The following DYNC1LI1 variants were observed in gnomAD, a reference collection of about 807,000 sequenced individuals.
DYNC1LI1 encodes cytoplasmic dynein 1 light intermediate chain 1.
In DYNC1LI1, 19 loss-of-function variants were observed where a neutral mutation model predicts 63.8. The observed-to-expected ratio is 0.30, with a 90% CI of 0.21 to 0.44. DYNC1LI1 has a LOEUF of 0.44. DYNC1LI1 is among the 20% of genes least tolerant of loss of function. The probability of loss-of-function intolerance (pLI) is 1.00; values close to 1 mark genes in which losing one functional copy is unlikely to be tolerated. For synonymous variants in DYNC1LI1, 225 were observed against 232.3 expected (o/e 0.97, Z 0.28); for missense variants, 565 against 630.2 (o/e 0.90, Z 1.11).
At chr3:32,529,479 TA>T in intron 11 of DYNC1LI1, 60 bp downstream of exon 11, 1 of 1,493,882 alleles carries the variant, frequency 6.7e-7, no homozygotes, top group Non-Finnish European at 9.1e-7. Context: ...GGTGGAATTT[TA>T]GATAGATTTA....
intron 5 of DYNC1LI1, among the ~76,000 whole-genome samples, chr3:32,537,919 T>C: frequency 3.7e-5 from 1 of 26,674 alleles, no homozygotes; most frequent in African/African-American, 1.9e-4. Context: ...ATATAATTTA[T>C]ATATATAATA....
rs1249555423 is a variant in DYNC1LI1, at chr3:32,530,472, T to A, written c.1129A>T (p.Met377Leu). The A allele has an allele frequency of 1.2e-5, 20 of 1,613,370 alleles. No individual in the cohort carries two copies. Among genetic ancestry groups the A allele is most frequent in the African/African-American group, 2.7e-5 (2 of 74,920 alleles). The change falls in exon 9 of 13, where the codon ATG becomes TTG. Residue 377 changes from methionine (M) to leucine (L), a missense_variant. Met to Leu is a conservative substitution (Grantham distance 15). Transcript: ENST00000273130. ...IMAEDDQVFLMKLQSLLAKQP... is the reference protein window; with the variant it reads ...IMAEDDQVFLLKLQSLLAKQP... ...ATATAATTTCATACCTGTAGCTTCA[T>A]AAGAAACACCTGATCATCTTCTGCC...
intron 2 of DYNC1LI1, among the ~76,000 whole-genome samples, chr3:32,558,403 T>TAA (rs533076265): frequency 0.029 from 2,570 of 90,046 alleles, 69 homozygotes; most frequent in East Asian, 0.2. Context: ...TTTAAAAATG[T>TAA]AAAAAAAAAA....
intron 5 of DYNC1LI1, 136 bp downstream of exon 5, chr3:32,540,901 C>T: frequency 1.8e-6 from 1 of 569,370 alleles, no homozygotes. Flanking sequence ...TCATTAAATA[C>T]TTTAAACTAT....
chr3:32,538,067 T>TA (rs1359725511), intron 5 of DYNC1LI1, among the ~76,000 whole-genome samples: 24 of 68,866 alleles, frequency 3.5e-4, no homozygotes, highest in East Asian at 6.0e-4. Context: ...ATATAATTTA[T>TA]TATATATATA....
rs1559436250 is a variant in DYNC1LI1, at chr3:32,537,961, AATATATATATATTTATATATAATAT to A, written c.739-882_739-858del. On this transcript the variant is annotated intron_variant, in intron 5 of 12. Coordinates refer to ENST00000273130, the MANE Select transcript of DYNC1LI1 (RefSeq NM_016141.4). ...TAATATATATATAATTTATATATATAATATATATATATTTATATATAATATATATATATAATTTATATATATAATA... is the reference window on the plus strand; with the variant it reads ...TAATATATATATAATTTATATATATAATATATATAATTTATATATATAATA... Among the ~76,000 whole-genome samples, 41 of 7,524 alleles carry A rather than the reference AATATATATATATTTATATATAATAT, an allele frequency of 5.4e-3. 2 individuals are homozygous for A. The highest frequency in any genetic ancestry group is 0.016 in the African/African-American group (39 of 2,456). The allele number at this position is 7,524 out of a possible 152,430, so 4.9% of individuals were successfully genotyped here.
rs35467710 is a variant in DYNC1LI1, at chr3:32,530,331, GAA to G, written c.1141-5_1141-4del. 21,839 of 1,334,818 alleles carry G rather than the reference GAA, an allele frequency of 0.016. No individual in the cohort carries two copies. The highest frequency in any genetic ancestry group is 0.029 in the Admixed American group (1,206 of 40,970). The allele number at this position is 1,334,818 out of a possible 1,614,324, so 82.7% of individuals were successfully genotyped here. A position where few individuals can be genotyped will look rare whatever the true frequency, so the allele number is the denominator to read the frequency against. On this transcript the variant is annotated splice_region_variant and splice_polypyrimidine_tract_variant and intron_variant, in intron 9 of 12. Coordinates refer to ENST00000273130, the MANE Select transcript of DYNC1LI1 (RefSeq NM_016141.4). ...GGTGGTTGCTTTGCTAAAAGGGACT[GAA>G]AAAAAAAAAAAAAAAGAATCCTAGT...
At chr3:32,554,103 CACT>C (rs762177135) in intron 2 of DYNC1LI1, among the ~76,000 whole-genome samples, 20 of 152,212 alleles carry the variant, frequency 1.3e-4, no homozygotes, top group Non-Finnish European at 2.6e-4. Flanking sequence ...TTCCAAGAAT[CACT>C]ACTATTTTCA....
intron 2 of DYNC1LI1, among the ~76,000 whole-genome samples, chr3:32,568,928 G>C (rs1381270302): frequency 6.6e-6 from 1 of 151,180 alleles, no homozygotes; most frequent in South Asian, 2.1e-4. Flanking sequence ...TTTGCTTTTG[G>C]ATCCTAATTT....
rs72860541 is a variant in DYNC1LI1, at chr3:32,570,682, A to C, written c.89T>G (p.Ile30Arg). Residue 30 changes from isoleucine (I) to arginine (R), a missense_variant, in exon 1 of 13, where the codon ATA (isoleucine) becomes AGA (arginine). Ile to Arg is a moderately conservative substitution (Grantham distance 97, BLOSUM62 -3). Transcript: ENST00000273130. Reference protein sequence around the residue: ...TYTGGPLGNEIASGNGGAAAG... With the variant: ...TYTGGPLGNERASGNGGAAAG... ...CGCGGCGCCACCGTTGCCCGACGCT[A>C]TCTCGTTGCCCAAGGGGCCGCCAGT... 5.2e-4 allele frequency: 828 copies of C among 1,606,632 alleles called. 4 individuals carry two copies. The African/African-American group carries it at 9.5e-3, about 18-fold the overall frequency.
intron 8 of DYNC1LI1, 78 bp downstream of exon 8, chr3:32,532,908 C>T: frequency 7.0e-7 from 1 of 1,432,354 alleles, no homozygotes; most frequent in Non-Finnish European, 9.1e-7. Flanking sequence ...TGCCTTTCTA[C>T]ATTTAATTTT....
Position 32,534,645 on chromosome 3 carries a change from A to G in DYNC1LI1, c.834T>C (p.Tyr278=), listed in dbSNP as rs1457487451. The G allele has an allele frequency of 1.3e-5, 20 of 1,558,854 alleles. No individual in the cohort carries two copies. The highest frequency in any genetic ancestry group is 1.1e-4 in the East Asian group (5 of 43,554). ...QSHIRKFCLQ[Y]GAALIYTSVK... is the part of the protein sequence containing the mutation. The stretch of plus-strand genomic sequence containing the variant: ...CTGAAGTGTAAATAAGTGCTGCACC[A>G]TCTGAATAATATGGTTAAAGAAAAA... The change falls in exon 7 of 13, where the codon TAT becomes TAC. Residue 278 remains tyrosine (Y), a splice_region_variant and synonymous_variant. Transcript: ENST00000273130.
chr3:32,553,491 T>C (rs916023156), intron 2 of DYNC1LI1, among the ~76,000 whole-genome samples: 2 of 152,182 alleles, frequency 1.3e-5, no homozygotes, highest in Non-Finnish European at 2.9e-5. Flanking sequence ...ATATTGTATA[T>C]TAATGAGTTT....
At chr3:32,533,520 G>C (rs1310646060) in intron 7 of DYNC1LI1, among the ~76,000 whole-genome samples, 1 of 151,644 alleles carries the variant, frequency 6.6e-6, no homozygotes, top group African/African-American at 2.4e-5. Context: ...GTGTTAACTT[G>C]GGGGAAGGGG....
chr3:32,528,936 T>A (rs571490899), intron 11 of DYNC1LI1, among the ~76,000 whole-genome samples: 1 of 152,246 alleles, frequency 6.6e-6, no homozygotes, highest in African/African-American at 2.4e-5. Flanking sequence ...TTAGGAAAAG[T>A]TACAGAATCC....
chr3:32,538,388 G>A (rs936239940), intron 5 of DYNC1LI1, among the ~76,000 whole-genome samples: 1 of 151,540 alleles, frequency 6.6e-6, no homozygotes, highest in Non-Finnish European at 1.5e-5. Context: ...GGAAAGGCAT[G>A]GTGGTTTAGT....
chr3:32,562,399 G>A (rs1045502025), intron 2 of DYNC1LI1, among the ~76,000 whole-genome samples: 2 of 152,110 alleles, frequency 1.3e-5, no homozygotes, highest in Non-Finnish European at 1.5e-5. Context: ...TAGTGCAGTG[G>A]TGTGATCACA....
rs762982173 is a variant in DYNC1LI1 at position 32,534,557 on chromosome 3, G to A, written c.922C>T (p.Pro308Ser). The A allele has an allele frequency of 6.3e-7, 1 of 1,599,164 alleles. No individual in the cohort carries two copies. ...ACAACAACAGCAGGAATCTTATAGG[G>A]AAATCCATATAGTTTCTGAACGATG... Reference protein sequence around the residue: ...KYIVQKLYGFPYKIPAVVVEK... With the variant: ...KYIVQKLYGFSYKIPAVVVEK... Residue 308 changes from proline to serine, a missense_variant, in exon 7 of 13, where the codon CCC becomes TCC. Transcript: ENST00000273130.
At chr3:32,565,601 G>A (rs182526847) in intron 2 of DYNC1LI1, among the ~76,000 whole-genome samples, 190 of 152,248 alleles carry the variant, frequency 1.2e-3, no homozygotes, top group African/African-American at 4.4e-3. Context: ...CGGGGAGCTA[G>A]GCTGCACAAT....
Sources: gnomAD v4.1 joint callset for allele counts (sites outside exome capture counted in the v4.1 genomes callset) on GRCh38, gnomAD v4.1.1 for gene constraint, MANE v1.5 for transcripts, NCBI Gene and HGNC (gene_info 2026-07-23, HGNC 2026-07-21) for gene names.